Variants in SOX5 observed in about 807,000 individuals in gnomAD.
SOX5 encodes the protein SRY-box transcription factor 5, also known as transcription factor SOX-5.
Under a neutral mutation model 92.0 loss-of-function variants are expected in SOX5, and 9 were observed. The observed-to-expected ratio is 0.10, with a 90% confidence interval of 0.06 to 0.17. The LOEUF (loss-of-function observed/expected upper bound fraction) is 0.17, where lower values mean the gene tolerates loss of function less well. Ranked by LOEUF, SOX5 falls within the 10% of genes least tolerant of loss-of-function variation. The probability of loss-of-function intolerance (pLI) is 1.00; values close to 1 mark genes in which losing one functional copy is unlikely to be tolerated. For synonymous variants in SOX5, 344 were observed against 336.3 expected (o/e 1.02, Z -0.25); for missense variants, 642 against 944.5 (o/e 0.68, Z 4.20).
At chr12:23,768,299 G>T (rs572130075) in intron 3 of SOX5, among the ~76,000 whole-genome samples, 1 of 152,028 alleles carries the variant, frequency 6.6e-6, no homozygotes, top group Non-Finnish European at 1.5e-5. Flanking sequence ...AGCCATGAAG[G>T]TCTGTGTTCC....
intron 2 of SOX5, among the ~76,000 whole-genome samples, chr12:24,317,143 C>A (rs1949767634): frequency 6.6e-6 from 1 of 152,168 alleles, no homozygotes; most frequent in Non-Finnish European, 1.5e-5. Flanking sequence ...AGACAATTGA[C>A]AATTGTGTTT....
At chr12:23,681,513 CATA>C (rs1190904528) in intron 6 of SOX5, among the ~76,000 whole-genome samples, 1 of 151,270 alleles carries the variant, frequency 6.6e-6, no homozygotes, top group African/African-American at 2.4e-5. Context: ...ATACTTAAAT[CATA>C]ATAACAAAAA....
intron 4 of SOX5, among the ~76,000 whole-genome samples, chr12:24,035,145 G>C (rs1191496206): frequency 2.0e-5 from 3 of 152,072 alleles, no homozygotes; most frequent in Non-Finnish European, 4.4e-5. Context: ...CCCTTTGTGA[G>C]CATGTTTTAA....
intron 1 of SOX5, among the ~76,000 whole-genome samples, chr12:23,916,773 A>G (rs577907064): frequency 1.9e-4 from 29 of 152,342 alleles, no homozygotes; most frequent in African/African-American, 6.5e-4. Flanking sequence ...AGAATTCCCA[A>G]TTCAGTATCA....
chr12:24,524,333 C>T (rs1218410651), intron 1 of SOX5, among the ~76,000 whole-genome samples: 3 of 138,696 alleles, frequency 2.2e-5, no homozygotes, highest in Non-Finnish European at 4.7e-5. Context: ...CCTAATAAAT[C>T]CCCTCCCATC....
intron 6 of SOX5, among the ~76,000 whole-genome samples, chr12:23,685,029 TTGAC>T (rs1315039911): frequency 6.6e-6 from 1 of 152,138 alleles, no homozygotes. Flanking sequence ...ATCATCTTCC[TTGAC>T]TATTTCTCAT....
rs191251432 is a variant in SOX5, at chr12:23,713,806, T to C, written c.810+20878A>G. ...ATTATTTAATAATATATGTAGATTA[T>C]TATTGGCTGGGCATGGTGGCTCACA... On this transcript the variant is annotated intron_variant, in intron 6 of 14. Coordinates refer to ENST00000451604, the MANE Select transcript of SOX5 (RefSeq NM_006940.6). Among the ~76,000 whole-genome samples, 17 of 150,184 alleles carry C rather than the reference T, an allele frequency of 1.1e-4. No homozygotes were observed. The East Asian group carries it at 2.5e-3, about 22-fold the overall frequency.
At chr12:23,756,804 G>A (rs2094397930) in intron 3 of SOX5, among the ~76,000 whole-genome samples, 1 of 151,888 alleles carries the variant, frequency 6.6e-6, no homozygotes, top group Non-Finnish European at 1.5e-5. Context: ...GGGAGTACAT[G>A]TTAACTTATC....
chr12:24,412,803 G>A (rs1229057913), intron 1 of SOX5, among the ~76,000 whole-genome samples: 1 of 147,912 alleles, frequency 6.8e-6, no homozygotes, highest in African/African-American at 2.5e-5. Context: ...TTTTTGAGAG[G>A]GAGTGCAGTG....
intron 8 of SOX5, among the ~76,000 whole-genome samples, chr12:23,632,788 T>A (rs982809099): frequency 6.6e-6 from 1 of 152,130 alleles, no homozygotes; most frequent in African/African-American, 2.4e-5. Context: ...TATGATTCAT[T>A]CTCTAACATG....
At chr12:24,337,407 C>A (rs1378712586) in intron 2 of SOX5, among the ~76,000 whole-genome samples, 1 of 149,830 alleles carries the variant, frequency 6.7e-6, no homozygotes, top group Non-Finnish European at 1.5e-5. Flanking sequence ...GTGGCGTGAT[C>A]TTGGTTCACT....
At chr12:24,436,822 G>A (rs181917520) in intron 1 of SOX5, among the ~76,000 whole-genome samples, 2 of 152,236 alleles carry the variant, frequency 1.3e-5, no homozygotes. Flanking sequence ...ATTTGTTAGG[G>A]GCTAATGCAC....
intron 1 of SOX5, among the ~76,000 whole-genome samples, chr12:24,395,411 C>T (rs755143478): frequency 4.6e-5 from 7 of 151,910 alleles, no homozygotes; most frequent in Non-Finnish European, 8.8e-5. Context: ...AATAATTGGC[C>T]AAAAAAATAT....
At chr12:23,644,510 G>C (rs774137137) in intron 7 of SOX5, among the ~76,000 whole-genome samples, 17 of 152,190 alleles carry the variant, frequency 1.1e-4, no homozygotes, top group Non-Finnish European at 7.3e-5. Flanking sequence ...ATGTGTATTA[G>C]AGTTTGAGAA....
At chr12:23,865,355 T>C (rs1412999659) in intron 2 of SOX5, among the ~76,000 whole-genome samples, 1 of 152,250 alleles carries the variant, frequency 6.6e-6, no homozygotes, top group Non-Finnish European at 1.5e-5. Context: ...GGAAGTCATT[T>C]TGACTTTCAA....
intron 6 of SOX5, among the ~76,000 whole-genome samples, chr12:23,708,652 G>A (rs899420898): frequency 2.6e-5 from 4 of 152,276 alleles, no homozygotes; most frequent in Admixed American, 2.0e-4. Flanking sequence ...GCAGAGATGA[G>A]TGATAATGAG....
intron 4 of SOX5, among the ~76,000 whole-genome samples, chr12:24,188,507 A>T (rs12367234): frequency 0.18 from 27,348 of 152,126 alleles, 3,137 homozygotes; most frequent in African/African-American, 0.33. Flanking sequence ...AATGAAGTAC[A>T]TCTGAACTGA....
intron 1 of SOX5, among the ~76,000 whole-genome samples, chr12:24,553,335 C>A (rs965242888): frequency 2.0e-5 from 3 of 152,210 alleles, no homozygotes; most frequent in Non-Finnish European, 2.9e-5. Flanking sequence ...TAATATCCAT[C>A]TGATAGGAGG....
At chr12:23,687,022 G>T (rs1392141357) in intron 6 of SOX5, among the ~76,000 whole-genome samples, 1 of 152,006 alleles carries the variant, frequency 6.6e-6, no homozygotes, top group Admixed American at 6.6e-5. Flanking sequence ...TGCTACTAAA[G>T]ATTTATTTTA....
Sources: allele counts gnomAD v4.1 joint callset (sites outside exome capture counted in the v4.1 genomes callset), GRCh38; gene constraint gnomAD v4.1.1; transcripts MANE v1.5; gene names NCBI Gene and HGNC (gene_info 2026-07-23, HGNC 2026-07-21).